Variants in AFG2B observed in about 807,000 individuals in gnomAD.
AFG2B encodes ATPase family gene 2 protein homolog B.
the AFG2B span, among the ~76,000 whole-genome samples, chr15:45,413,917 C>T: frequency 6.6e-6 from 1 of 152,084 alleles, no homozygotes; most frequent in Admixed American, 6.6e-5. Flanking sequence ...AACCATTTAC[C>T]TTAAAGGTAA....
the AFG2B span, among the ~76,000 whole-genome samples, chr15:45,418,048 CAA>C: frequency 7.3e-4 from 111 of 152,058 alleles, no homozygotes; most frequent in Middle Eastern, 0.01. Context: ...TATTTGTACC[CAA>C]GAGAGAGATT....
At chr15:45,411,012 G>T in the AFG2B span, among the ~76,000 whole-genome samples, 1 of 152,274 alleles carries the variant, frequency 6.6e-6, no homozygotes, top group Middle Eastern at 3.4e-3. Flanking sequence ...GACCAGCCTG[G>T]CCAACATGGT....
At chr15:45,402,505 A>G in the AFG2B span, 1 of 1,608,228 alleles carries the variant, frequency 6.2e-7, no homozygotes, top group Non-Finnish European at 8.5e-7. Context: ...AGACCGGGGC[A>G]CCCAGCGCTG....
chr15:45,406,776 T>A, the AFG2B span, among the ~76,000 whole-genome samples: 1 of 152,246 alleles, frequency 6.6e-6, no homozygotes, highest in Admixed American at 6.5e-5. Flanking sequence ...TTGAAAAACC[T>A]TTTTACCTAA....
chr15:45,402,378 G>T, the AFG2B span: 3 of 1,556,736 alleles, frequency 1.9e-6, no homozygotes, highest in Middle Eastern at 5.1e-4. Context: ...GCTTTTTGTG[G>T]GCCGGGTGGG....
the AFG2B span, chr15:45,402,568 G>C: frequency 2.5e-6 from 4 of 1,581,318 alleles, no homozygotes; most frequent in Non-Finnish European, 3.4e-6. Context: ...GGGCTCGGCA[G>C]TGAAGATCTC....
chr15:45,403,115 TG>T, the AFG2B span: 1 of 1,510,024 alleles, frequency 6.6e-7, no homozygotes, highest in Admixed American at 2.1e-5. Flanking sequence ...CTGACCGCGC[TG>T]GGCTTAGCGG....
At chr15:45,417,139 G>A in the AFG2B span, 24 of 1,100,876 alleles carry the variant, frequency 2.2e-5, no homozygotes, top group South Asian at 8.3e-5. Flanking sequence ...TCTGGAAAGC[G>A]GATATAAGCA....
At chr15:45,419,997 C>CCCCA in the AFG2B span, among the ~76,000 whole-genome samples, 20 of 53,694 alleles carry the variant, frequency 3.7e-4, no homozygotes, top group East Asian at 2.1e-3. Context: ...CCCCCCCCCC[C>CCCCA]AAAAAAAAAA....
At chr15:45,415,724 A>G in the AFG2B span, 2 of 1,614,004 alleles carry the variant, frequency 1.2e-6, no homozygotes, top group Non-Finnish European at 1.7e-6. Flanking sequence ...TGAATGAATT[A>G]GATGGTGTTG....
the AFG2B span, chr15:45,403,609 G>A: frequency 2.0e-6 from 3 of 1,526,520 alleles, no homozygotes; most frequent in Non-Finnish European, 2.6e-6. Context: ...TGCCTCTTAG[G>A]TTTGAGCATC....
the AFG2B span, chr15:45,410,509 T>C: frequency 1.9e-6 from 3 of 1,609,092 alleles, no homozygotes; most frequent in Admixed American, 3.4e-5. Context: ...GCCTTGAAGA[T>C]GTAAAACTGA....
At chr15:45,404,666 G>A in the AFG2B span, among the ~76,000 whole-genome samples, 2 of 151,678 alleles carry the variant, frequency 1.3e-5, no homozygotes, top group African/African-American at 4.8e-5. Context: ...AAATAAGCCG[G>A]GCATGGTGGC....
chr15:45,412,258 A>G, the AFG2B span, among the ~76,000 whole-genome samples: 1 of 152,026 alleles, frequency 6.6e-6, no homozygotes, highest in East Asian at 1.9e-4. Flanking sequence ...AAAATCAGCC[A>G]GGTGTGGTGG....
At chr15:45,411,655 C>T in the AFG2B span, among the ~76,000 whole-genome samples, 1 of 152,090 alleles carries the variant, frequency 6.6e-6, no homozygotes, top group Non-Finnish European at 1.5e-5. Flanking sequence ...TGTGGTAGCA[C>T]GTGCTTATGG....
the AFG2B span, among the ~76,000 whole-genome samples, chr15:45,410,177 C>T: frequency 6.6e-6 from 1 of 152,148 alleles, no homozygotes; most frequent in Non-Finnish European, 1.5e-5. Context: ...CTCTTGACAT[C>T]TTTCGGGGAA....
At chr15:45,411,867 C>T in the AFG2B span, among the ~76,000 whole-genome samples, 1 of 152,144 alleles carries the variant, frequency 6.6e-6, no homozygotes, top group East Asian at 1.9e-4. Flanking sequence ...GAGGCCGAGG[C>T]AGGCAGATCA....
the AFG2B span, chr15:45,402,354 G>T: frequency 6.5e-7 from 1 of 1,539,764 alleles, no homozygotes; most frequent in South Asian, 1.2e-5. Flanking sequence ...TCCGGCCTGC[G>T]AGCTCGGTGT....
chr15:45,415,342 C>CA, the AFG2B span, among the ~76,000 whole-genome samples: 2 of 151,870 alleles, frequency 1.3e-5, no homozygotes, highest in African/African-American at 4.8e-5. Flanking sequence ...ACTAAAAATA[C>CA]AAAAAAATTA....
Sources: allele counts gnomAD v4.1 joint callset (sites outside exome capture counted in the v4.1 genomes callset), GRCh38; gene constraint gnomAD v4.1.1; transcripts MANE v1.5; gene names NCBI Gene and HGNC (gene_info 2026-07-23, HGNC 2026-07-21).